Variants in CKAP2L observed in about 807,000 individuals in gnomAD.
CKAP2L encodes the protein cytoskeleton associated protein 2L, also known as cytoskeleton-associated protein 2-like.
In CKAP2L, 42 loss-of-function variants were observed where a neutral mutation model predicts 65.7. The observed-to-expected ratio is 0.64, with a 90% confidence interval of 0.50 to 0.83. The LOEUF (loss-of-function observed/expected upper bound fraction) is 0.83, where lower values mean the gene tolerates loss of function less well. Among genes scored for constraint, CKAP2L ranks in the 40% least tolerant of loss-of-function variants. The pLI is 0.00. For synonymous variants in CKAP2L, 325 were observed against 313.5 expected (o/e 1.04, Z -0.39); for missense variants, 908 against 871.0 (o/e 1.04, Z -0.53).
rs368739324 is a variant in CKAP2L at position 112,752,237 on chromosome 2, A to C, written c.1602+30T>G. The C allele has an allele frequency of 2.7e-4, 413 of 1,535,920 alleles. 1 individual carries two copies. The highest frequency in any genetic ancestry group is 3.5e-4 in the Non-Finnish European group (394 of 1,121,566). The stretch of plus-strand genomic sequence containing the variant: ...TTAAAAATTATAAGACTTTGGGCCA[A>C]AGCTGGAGGAGCTTATCTTCTTCAC... On this transcript the variant is annotated intron_variant, in intron 5 of 8. Transcript: ENST00000302450.
chr2:112,760,051 C>A (rs956399406), intron 3 of CKAP2L, among the ~76,000 whole-genome samples: 6 of 152,096 alleles, frequency 3.9e-5, no homozygotes, highest in Non-Finnish European at 7.4e-5. Context: ...CAGATAAAAA[C>A]TATGTTTTAA....
At chr2:112,740,590 G>C (rs1375126278) in intron 8 of CKAP2L, among the ~76,000 whole-genome samples, 1 of 152,090 alleles carries the variant, frequency 6.6e-6, no homozygotes, top group African/African-American at 2.4e-5. Context: ...GCTGTGTCAG[G>C]ACTTGCAGGA....
rs776170547 is a variant in CKAP2L at position 112,756,254 on chromosome 2, T to C, written c.1117A>G (p.Lys373Glu). Reference sequence around the variant, plus strand: ...AAATTAGGCCTCTGGCTTATGGCTTTTGACTTTTGCAGTACACATGATGTC... The same window carrying C: ...AAATTAGGCCTCTGGCTTATGGCTTCTGACTTTTGCAGTACACATGATGTC... Reference protein sequence around the residue: ...PQTSCVLQKSKAISQRPNLTV... With the variant: ...PQTSCVLQKSEAISQRPNLTV... Residue 373 changes from lysine to glutamate, a missense_variant, in exon 4 of 9, where the codon AAA becomes GAA. Coordinates refer to ENST00000302450, the MANE Select transcript of CKAP2L (RefSeq NM_152515.5). 20 of 1,614,070 alleles carry C rather than the reference T, an allele frequency of 1.2e-5. No individual in the cohort carries two copies. Among genetic ancestry groups the C allele is most frequent in the Non-Finnish European group, 1.6e-5 (19 of 1,180,036 alleles).
intron 5 of CKAP2L, among the ~76,000 whole-genome samples, chr2:112,747,882 C>T (rs548526935): frequency 1.3e-5 from 2 of 152,312 alleles, no homozygotes; most frequent in African/African-American, 4.8e-5. Flanking sequence ...GAGAGTATTG[C>T]TATCCTAAAA....
intron 6 of CKAP2L, 71 bp from the exon 7 acceptor site, chr2:112,742,840 C>A: frequency 1.0e-6 from 1 of 954,870 alleles, no homozygotes. Flanking sequence ...GGAACTTTAA[C>A]TTCAAATACA....
intron 1 of CKAP2L, chr2:112,763,803 T>C (rs575704758): frequency 6.6e-6 from 1 of 152,332 alleles, no homozygotes; most frequent in South Asian, 2.1e-4. Flanking sequence ...GGGGCTGACA[T>C]AGGGGGTTGG....
intron 4 of CKAP2L, 101 bp downstream of exon 4, chr2:112,755,876 T>C (rs1217905054): frequency 8.9e-7 from 1 of 1,122,700 alleles, no homozygotes; most frequent in African/African-American, 1.6e-5. Context: ...AAAAATTACT[T>C]AGGAGCCATT....
intron 1 of CKAP2L, among the ~76,000 whole-genome samples, chr2:112,763,423 G>A (rs1183323882): frequency 6.6e-6 from 1 of 152,010 alleles, no homozygotes; most frequent in Non-Finnish European, 1.5e-5. Flanking sequence ...TCTGCTCACG[G>A]CAGACACCTA....
chr2:112,742,282 T>C (rs1680028945), intron 7 of CKAP2L: 3 of 682,308 alleles, frequency 4.4e-6, no homozygotes, highest in East Asian at 2.7e-5. Context: ...CCACTGACAG[T>C]GATGGTCATC....
At chr2:112,759,760 A>G (rs1292812956) in intron 3 of CKAP2L, among the ~76,000 whole-genome samples, 1 of 152,202 alleles carries the variant, frequency 6.6e-6, no homozygotes, top group Non-Finnish European at 1.5e-5. Context: ...CAACATATAT[A>G]TGTCTACATA....
At chr2:112,753,504 A>C (rs1220178302) in intron 4 of CKAP2L, among the ~76,000 whole-genome samples, 1 of 148,902 alleles carries the variant, frequency 6.7e-6, no homozygotes, top group Non-Finnish European at 1.5e-5. Context: ...CCAGGAGCTC[A>C]GGTATCCTTA....
At position 112,762,785 on chromosome 2, in the gene CKAP2L, C is replaced by CTT. The variant is rs78440426; in HGVS notation, c.38-218_38-217dup. ...TACACTAAGTTCTTTAAACTTACTACTTTTTTTTTTTTTTTTGAGACAGGG... is the reference window on the plus strand; with the variant it reads ...TACACTAAGTTCTTTAAACTTACTACTTTTTTTTTTTTTTTTTTGAGACAGGG... On this transcript the variant is annotated intron_variant, in intron 1 of 8. Transcript: ENST00000302450. Among the ~76,000 whole-genome samples the CTT allele has an allele frequency of 0.03, 4,235 of 142,294 alleles. 214 individuals are homozygous for CTT. Among genetic ancestry groups the CTT allele is most frequent in the African/African-American group, 0.1 (3,988 of 38,310 alleles). 93.4% of individuals were successfully genotyped at this position (142,294 alleles called of 152,430 possible).
rs2104885459 is a variant in CKAP2L at position 112,757,110 on chromosome 2, C to T, written c.261G>A (p.Gly87=). The T allele has an allele frequency of 5.0e-6, 8 of 1,614,086 alleles. No homozygotes were observed. The highest frequency in any genetic ancestry group is 5.9e-6 in the Non-Finnish European group (7 of 1,180,008). The change falls in exon 4 of 9, where the codon GGG becomes GGA. Residue 87 remains glycine (G), a synonymous_variant. Coordinates refer to ENST00000302450, the MANE Select transcript of CKAP2L (RefSeq NM_152515.5). ...KLQPRPPNTA[G]SQKPKLEPPK... is the part of the protein sequence containing the mutation. ...GTGGCTCCAACTTCGGCTTCTGGGACCCTGCAGTATTAGGTGGTCTGGGCT... is the reference window on the plus strand; with the variant it reads ...GTGGCTCCAACTTCGGCTTCTGGGATCCTGCAGTATTAGGTGGTCTGGGCT...
At chr2:112,748,092 C>T (rs1680258202) in intron 5 of CKAP2L, among the ~76,000 whole-genome samples, 1 of 152,114 alleles carries the variant, frequency 6.6e-6, no homozygotes, top group South Asian at 2.1e-4. Flanking sequence ...ACTCCAATAT[C>T]CATCTAAGAG....
chr2:112,743,678 T>C (rs1680102999), intron 6 of CKAP2L, among the ~76,000 whole-genome samples: 1 of 152,194 alleles, frequency 6.6e-6, no homozygotes, highest in African/African-American at 2.4e-5. Context: ...TCTCAAGTGA[T>C]CCGCCTGCCT....
At position 112,756,116 on chromosome 2, in the gene CKAP2L, C is replaced by A. The variant is rs892643127; in HGVS notation, c.1255G>T (p.Asp419Tyr). The change falls in exon 4 of 9, where the codon GAC becomes TAC. Residue 419 changes from aspartate to tyrosine, a missense_variant. Physicochemically the swap from Asp to Tyr is radical, Grantham distance 160. Coordinates refer to ENST00000302450, the MANE Select transcript of CKAP2L (RefSeq NM_152515.5). ...NGFQQKAQTL[D>Y]SKLKKAVPQN... ...GGAACAGCCTTTTTCAACTTGGAGT[C>A]CAAAGTCTGTGCTTTTTGCTGAAAG... 2.5e-6 allele frequency: 4 copies of A among 1,613,990 alleles called. No individual in the cohort carries two copies. The African/African-American group carries it at 5.3e-5, about 22-fold the overall frequency.
chr2:112,741,069 C>A, intron 7 of CKAP2L, 62 bp from the exon 8 acceptor site: 1 of 1,086,478 alleles, frequency 9.2e-7, no homozygotes, highest in South Asian at 1.4e-5. Context: ...AACTAGAAGT[C>A]AATAACATGA....
chr2:112,753,167 CT>C (rs1368603461), intron 4 of CKAP2L, among the ~76,000 whole-genome samples: 1 of 152,184 alleles, frequency 6.6e-6, no homozygotes, highest in Non-Finnish European at 1.5e-5. Flanking sequence ...TTAATAATGA[CT>C]TCCAAGTGTA....
chr2:112,744,727 C>T (rs921081052), intron 6 of CKAP2L, among the ~76,000 whole-genome samples: 8 of 152,270 alleles, frequency 5.3e-5, no homozygotes, highest in South Asian at 2.1e-4. Context: ...ACTTGACCAG[C>T]TTAAGAGGAA....
Sources: gnomAD v4.1 joint callset for allele counts (sites outside exome capture counted in the v4.1 genomes callset) on GRCh38, gnomAD v4.1.1 for gene constraint, MANE v1.5 for transcripts, NCBI Gene and HGNC (gene_info 2026-07-23, HGNC 2026-07-21) for gene names.